The following MEI4 variants were observed in gnomAD, a reference collection of about 807,000 sequenced individuals.
MEI4 encodes meiosis-specific protein MEI4.
In MEI4, 27 loss-of-function variants were observed where a neutral mutation model predicts 31.4. The ratio of observed to expected loss-of-function variants is 0.86; its 90% confidence interval spans 0.63 to 1.19. The LOEUF (loss-of-function observed/expected upper bound fraction) is 1.19, where lower values mean the gene tolerates loss of function less well. Ranked by LOEUF, MEI4 falls within the 50% of genes most tolerant of loss-of-function variation. The pLI is 0.00. For synonymous variants in MEI4, 122 were observed against 145.4 expected (o/e 0.84, Z 1.16); for missense variants, 329 against 398.9 (o/e 0.82, Z 1.49).
At chr6:77,813,288 TC>T (rs1769616448) in intron 3 of MEI4, among the ~76,000 whole-genome samples, 1 of 152,156 alleles carries the variant, frequency 6.6e-6, no homozygotes, top group South Asian at 2.1e-4. Context: ...TGAATGAGTT[TC>T]CTTTCATTTG....
chr6:77,661,245 G>A (rs1393894089), intron 1 of MEI4, among the ~76,000 whole-genome samples: 1 of 152,030 alleles, frequency 6.6e-6, no homozygotes, highest in Non-Finnish European at 1.5e-5. Context: ...GATTGAGGAT[G>A]GTAAGGGATA....
At chr6:77,810,124 C>T (rs1400878122) in intron 3 of MEI4, among the ~76,000 whole-genome samples, 3 of 152,124 alleles carry the variant, frequency 2.0e-5, no homozygotes, top group Non-Finnish European at 4.4e-5. Context: ...TATATGTTGC[C>T]CACCATCAGA....
At chr6:77,698,409 T>A (rs548994587) in intron 2 of MEI4, among the ~76,000 whole-genome samples, 32 of 152,290 alleles carry the variant, frequency 2.1e-4, no homozygotes, top group Admixed American at 1.8e-3. Flanking sequence ...CTGGTACCGG[T>A]TGTTCCTTTC....
chr6:77,917,427 C>G (rs1250619155), intron 4 of MEI4, among the ~76,000 whole-genome samples: 1 of 150,916 alleles, frequency 6.6e-6, no homozygotes, highest in Non-Finnish European at 1.5e-5. Flanking sequence ...TCCTCTCCAA[C>G]ACCTGTTGTT....
At chr6:77,831,131 G>A (rs1485148400) in intron 4 of MEI4, among the ~76,000 whole-genome samples, 1 of 148,786 alleles carries the variant, frequency 6.7e-6, no homozygotes, top group African/African-American at 2.5e-5. Flanking sequence ...CATACAAATG[G>A]CTAGCAGGCA....
At chr6:77,836,334 G>A (rs1032619304) in intron 4 of MEI4, among the ~76,000 whole-genome samples, 1 of 152,066 alleles carries the variant, frequency 6.6e-6, no homozygotes, top group Non-Finnish European at 1.5e-5. Flanking sequence ...GGTGAAATCT[G>A]AATTTAGAGT....
At chr6:77,911,658 T>G (rs943462580) in intron 4 of MEI4, among the ~76,000 whole-genome samples, 7 of 150,714 alleles carry the variant, frequency 4.6e-5, no homozygotes, top group Non-Finnish European at 1.0e-4. Flanking sequence ...TCTCTTTTTA[T>G]AGCTGCAATA....
At chr6:77,811,658 C>T (rs1235610887) in intron 3 of MEI4, among the ~76,000 whole-genome samples, 1 of 151,656 alleles carries the variant, frequency 6.6e-6, no homozygotes, top group African/African-American at 2.4e-5. Context: ...ACCTTTAATC[C>T]CAGCTACTGA....
intron 2 of MEI4, among the ~76,000 whole-genome samples, chr6:77,697,339 G>T (rs1242595569): frequency 6.6e-6 from 1 of 152,000 alleles, no homozygotes; most frequent in Non-Finnish European, 1.5e-5. Context: ...TGCTTTTCTT[G>T]TTCTTTTAAT....
At chr6:77,759,881 T>C (rs940498730) in intron 2 of MEI4, among the ~76,000 whole-genome samples, 8 of 152,210 alleles carry the variant, frequency 5.3e-5, no homozygotes, top group Non-Finnish European at 1.0e-4. Flanking sequence ...TTCATTTTTC[T>C]GCATTACAAC....
intron 2 of MEI4, among the ~76,000 whole-genome samples, chr6:77,711,964 T>A (rs570786426): frequency 9.8e-5 from 15 of 152,308 alleles, no homozygotes; most frequent in Admixed American, 6.5e-4. Context: ...GTAGTAATAC[T>A]CAGAAGCCCA....
chr6:77,884,391 T>C (rs1771572134), intron 4 of MEI4, among the ~76,000 whole-genome samples: 1 of 152,202 alleles, frequency 6.6e-6, no homozygotes, highest in South Asian at 2.1e-4. Context: ...TTGTTTTTGT[T>C]GCTTGTGATT....
chr6:77,823,921 C>T (rs1769884680), intron 3 of MEI4, among the ~76,000 whole-genome samples: 1 of 152,074 alleles, frequency 6.6e-6, no homozygotes, highest in South Asian at 2.1e-4. Context: ...GTTGATGGTG[C>T]AGTGTAATAG....
intron 3 of MEI4, among the ~76,000 whole-genome samples, chr6:77,800,400 G>T: frequency 6.6e-6 from 1 of 152,166 alleles, no homozygotes; most frequent in Non-Finnish European, 1.5e-5. Context: ...TTTGGGCTGA[G>T]ACAATGGGGT....
intron 2 of MEI4, among the ~76,000 whole-genome samples, chr6:77,754,779 A>G (rs187589725): frequency 6.6e-6 from 1 of 152,270 alleles, no homozygotes; most frequent in Admixed American, 6.5e-5. Flanking sequence ...GGCACTTCTT[A>G]CATGCGGAGA....
At chr6:77,765,166 C>A (rs6903453) in intron 3 of MEI4, among the ~76,000 whole-genome samples, 43,885 of 151,958 alleles carry the variant, frequency 0.29, 6,471 homozygotes, top group East Asian at 0.48. Context: ...ACCACTTCAT[C>A]GGGCTAAATA....
rs1174191257 is a variant in MEI4, at chr6:77,820,023, A to G, written c.769-8908A>G. 6.6e-6 allele frequency among the ~76,000 whole-genome samples: 1 copy of G among 151,560 alleles called. No homozygotes were observed. Among genetic ancestry groups the G allele is most frequent in the East Asian group, 1.9e-4 (1 of 5,164 alleles). On this transcript the variant is annotated intron_variant, in intron 3 of 4. Transcript: ENST00000684080. This position sits in a 1 kb window ranked among gnomAD's most constrained non-coding sequence, Gnocchi z 4.5. ...ATTAACTATGAGTTTGCTTTTTATTATAAGCTTTCTGAGGACCTAAATCTT... is the reference window on the plus strand; with the variant it reads ...ATTAACTATGAGTTTGCTTTTTATTGTAAGCTTTCTGAGGACCTAAATCTT...
At chr6:77,660,152 A>G (rs1768477242) in intron 1 of MEI4, among the ~76,000 whole-genome samples, 2 of 152,112 alleles carry the variant, frequency 1.3e-5, no homozygotes, top group South Asian at 4.1e-4. Context: ...CTGTGTAGGC[A>G]CTGGAAGAAA....
intron 2 of MEI4, among the ~76,000 whole-genome samples, chr6:77,692,270 A>T (rs1211927270): frequency 1.3e-5 from 2 of 152,008 alleles, no homozygotes; most frequent in South Asian, 2.1e-4. Context: ...CCCACTAGTT[A>T]TTCCCCACAC....
Sources: gnomAD v4.1 joint callset for allele counts (sites outside exome capture counted in the v4.1 genomes callset) on GRCh38, gnomAD v4.1.1 for gene constraint, Gnocchi (gnomAD v3.1) non-coding constraint, MANE v1.5 for transcripts, NCBI Gene and HGNC (gene_info 2026-07-23, HGNC 2026-07-21) for gene names.